The following RRAGC variants were observed in gnomAD, a reference collection of about 807,000 sequenced individuals.
RRAGC encodes the protein Ras related GTP binding C.
A neutral mutation model predicts 37.1 loss-of-function variants in RRAGC; 8 were observed. That is an observed-to-expected ratio of 0.22 (90% CI 0.13 to 0.39). The LOEUF (loss-of-function observed/expected upper bound fraction) is 0.39. RRAGC is among the 10% of genes least tolerant of loss of function. The probability of loss-of-function intolerance (pLI) is 1.00; values close to 1 mark genes in which losing one functional copy is unlikely to be tolerated. For synonymous variants in RRAGC, 190 were observed against 181.1 expected, an observed-to-expected ratio of 1.05 and a Z score of -0.39; for missense variants, 342 against 497.6, an observed-to-expected ratio of 0.69 and a Z score of 2.98.
intron 6 of RRAGC, 39 bp downstream of exon 6, chr1:38,845,900 A>T: frequency 6.5e-7 from 1 of 1,534,176 alleles, no homozygotes; most frequent in South Asian, 1.2e-5. Context: ...GTTATGGCAA[A>T]GAAATTAACA....
intron 1 of RRAGC, 71 bp from the exon 2 acceptor site, chr1:38,857,153 T>C (rs1642177627): frequency 7.8e-7 from 1 of 1,282,928 alleles, no homozygotes; most frequent in South Asian, 1.3e-5. Context: ...CCACCCTGGT[T>C]TAACATTTAA....
At position 38,849,898 on chromosome 1, in the gene RRAGC, AT is replaced by A. The variant is rs1642077585; in HGVS notation, c.899+1716del. 3.3e-5 allele frequency among the ~76,000 whole-genome samples: 5 copies of A among 152,182 alleles called. No individual in the cohort carries two copies. In the South Asian group the frequency reaches 1.0e-3, roughly 32 times the overall value. On this transcript the variant is annotated intron_variant, in intron 5 of 6. Transcript: ENST00000373001. The stretch of plus-strand genomic sequence containing the variant: ...ATATATAATAAACTGACAATGTCTC[AT>A]TTTGATTATGTAAAGAATTAAAACA...
At position 38,839,509 on chromosome 1, in the gene RRAGC, A is replaced by G. The variant is rs1477944414; in HGVS notation, c.*44T>C. The G allele has an allele frequency of 1.2e-6, 2 of 1,609,292 alleles. No individual in the cohort carries two copies. Among genetic ancestry groups the G allele is most frequent in the African/African-American group, 2.7e-5 (2 of 74,878 alleles). On this transcript the variant is annotated 3_prime_UTR_variant, in exon 7 of 7. Transcript: ENST00000373001. ...TGTAGCACGTGGCATCCGACCCTGG[A>G]GTGAAGAGTAAGCTGGCACAGAGCC...
Position 38,859,603 on chromosome 1 carries a change from C to A in RRAGC, c.44G>T (p.Ser15Ile). Residue 15 changes from serine to isoleucine, a missense_variant, in exon 1 of 7, where the codon AGT becomes ATT. Around this residue, in one of 3 missense-constraint regions of RRAGC, gnomAD observed 104 missense variants for 93.4 expected, o/e 1.11. Coordinates refer to ENST00000373001, the MANE Select transcript of RRAGC (RefSeq NM_022157.4). ...TGGAAACGAATCGGCCGCGCCGTAA[C>A]TGCCGGCGAGGGGCGTCTCCTCCGC... Reference protein sequence around the residue: ...YGAEETPLAGSYGAADSFPKD... With the variant: ...YGAEETPLAGIYGAADSFPKD... The A allele has an allele frequency of 1.3e-6, 2 of 1,567,420 alleles. No homozygotes were observed. The highest frequency in any genetic ancestry group is 3.7e-4 in the Middle Eastern group (2 of 5,442).
intron 1 of RRAGC, among the ~76,000 whole-genome samples, chr1:38,858,928 A>T (rs1307833886): frequency 6.6e-6 from 1 of 152,246 alleles, no homozygotes; most frequent in African/African-American, 2.4e-5. Flanking sequence ...AGTCTCCTTC[A>T]CATCAGTAGC....
chr1:38,855,264 G>C (rs1181501029), intron 3 of RRAGC, among the ~76,000 whole-genome samples: 1 of 152,180 alleles, frequency 6.6e-6, no homozygotes, highest in Non-Finnish European at 1.5e-5. Flanking sequence ...AGTCAGTCCA[G>C]ATTTGAAAGT....
chr1:38,843,399 A>T (rs1641987927), intron 6 of RRAGC, among the ~76,000 whole-genome samples: 1 of 152,072 alleles, frequency 6.6e-6, no homozygotes. Flanking sequence ...TGATTTACCC[A>T]AAAATTTGTG....
chr1:38,851,574 C>T, intron 5 of RRAGC, 41 bp downstream of exon 5: 1 of 1,459,346 alleles, frequency 6.9e-7, no homozygotes, highest in Non-Finnish European at 9.0e-7. Context: ...TAATAGTTTT[C>T]CGCCTGTCTG....
At chr1:38,845,918 A>ATTTTTTTTTTTAAAAT (rs1557584744) in intron 6 of RRAGC, 21 bp downstream of exon 6, 4 of 1,579,334 alleles carry the variant, frequency 2.5e-6, no homozygotes, top group Non-Finnish European at 3.4e-6. Flanking sequence ...ACATAAAAAC[A>ATTTTTTTTTTTAAAAT]GCTTTTTAAA....
chr1:38,858,330 T>C (rs552636110), intron 1 of RRAGC, among the ~76,000 whole-genome samples: 34 of 152,238 alleles, frequency 2.2e-4, no homozygotes, highest in African/African-American at 7.5e-4. Context: ...CTGATACTAG[T>C]TTTATTACCA....
intron 5 of RRAGC, among the ~76,000 whole-genome samples, chr1:38,849,926 G>C (rs1448249793): frequency 6.6e-6 from 1 of 152,144 alleles, no homozygotes; most frequent in Non-Finnish European, 1.5e-5. Context: ...ATTAAAACAA[G>C]CCAGGCATGG....
At chr1:38,845,906 T>A (rs1642021854) in intron 6 of RRAGC, 33 bp downstream of exon 6, 1 of 1,558,326 alleles carries the variant, frequency 6.4e-7, no homozygotes, top group East Asian at 2.3e-5. Context: ...GCAAAGAAAT[T>A]AACATAAAAA....
intron 4 of RRAGC, 61 bp from the exon 5 acceptor site, chr1:38,851,818 C>T (rs936983422): frequency 1.9e-5 from 27 of 1,459,144 alleles, no homozygotes; most frequent in African/African-American, 7.1e-5. Context: ...TACAACTTAT[C>T]GAAGATCTAG....
chr1:38,838,462 T>G lies in RRAGC; in HGVS notation c.*1091A>C, dbSNP rs1282470496. 1.3e-5 allele frequency: 2 copies of G among 152,166 alleles called. No individual in the cohort carries two copies. The highest frequency in any genetic ancestry group is 4.8e-5 in the African/African-American group (2 of 41,430). 9.4% of individuals were successfully genotyped at this position (152,166 alleles called of 1,614,324 possible). A position where few individuals can be genotyped will look rare whatever the true frequency, so the allele number is the denominator to read the frequency against. ...TACTGGGCATGTGGAATAGAAATAATGTGTTAGGTTTAAATCAATGGAAAG... is the reference window on the plus strand; with the variant it reads ...TACTGGGCATGTGGAATAGAAATAAGGTGTTAGGTTTAAATCAATGGAAAG... On this transcript the variant is annotated 3_prime_UTR_variant, in exon 7 of 7. Coordinates refer to ENST00000373001, the MANE Select transcript of RRAGC (RefSeq NM_022157.4).
At chr1:38,851,888 T>C (rs1349205549) in intron 4 of RRAGC, 131 bp from the exon 5 acceptor site, 24 of 694,804 alleles carry the variant, frequency 3.5e-5, no homozygotes, top group South Asian at 2.0e-4. Context: ...AAAAAACAAA[T>C]AGCACTTGCT....
chr1:38,855,378 C>G (rs193171722), intron 3 of RRAGC, among the ~76,000 whole-genome samples: 1 of 152,062 alleles, frequency 6.6e-6, no homozygotes. Context: ...TGATGCAAGG[C>G]GGGGAAAAGT....
chr1:38,859,609 G>T lies in RRAGC; in HGVS notation c.38C>A (p.Ala13Asp), dbSNP rs1220506672. ...CGAATCGGCCGCGCCGTAACTGCCG[G>T]CGAGGGGCGTCTCCTCCGCCCCGTA... ...LQYGAEETPL[A>D]GSYGAADSFP... The change falls in exon 1 of 7, where the codon GCC (alanine) becomes GAC (aspartate). Residue 13 changes from alanine (A) to aspartate (D), a missense_variant. This residue lies in a region of RRAGC where 104 missense variants were observed against 93.4 expected (regional missense o/e 1.11). Transcript: ENST00000373001. The T allele has an allele frequency of 1.3e-6, 2 of 1,564,634 alleles. No homozygotes were observed. The highest frequency in any genetic ancestry group is 3.8e-5 in the Admixed American group (2 of 52,180).
At position 38,851,649 on chromosome 1, in the gene RRAGC, T is replaced by C; in HGVS notation, c.865A>G (p.Ile289Val). Residue 289 changes from isoleucine to valine, a missense_variant, in exon 5 of 7, where the codon ATC (isoleucine) becomes GTC (valine). Ile to Val is a conservative substitution (Grantham distance 29). This residue lies in a region of RRAGC where 134 missense variants were observed against 277.2 expected (regional missense o/e 0.48). Coordinates refer to ENST00000373001, the MANE Select transcript of RRAGC (RefSeq NM_022157.4). ...CAAGACACATCAATTACAACATCGA[T>C]CATGTCACAGCAAAGTTCATAAGAT... ...MQSYELCCDM[I>V]DVVIDVSCIY... is the part of the protein sequence containing the mutation. 6.4e-7 allele frequency: 1 copy of C among 1,574,330 alleles called. No individual in the cohort carries two copies. Among genetic ancestry groups the C allele is most frequent in the Non-Finnish European group, 8.6e-7 (1 of 1,166,500 alleles).
intron 6 of RRAGC, among the ~76,000 whole-genome samples, chr1:38,844,507 A>T (rs1332021237): frequency 6.6e-6 from 1 of 152,072 alleles, no homozygotes; most frequent in Non-Finnish European, 1.5e-5. Flanking sequence ...AACACACAAA[A>T]TATCCCAAGA....
Sources: allele counts gnomAD v4.1 joint callset (sites outside exome capture counted in the v4.1 genomes callset), GRCh38; gene constraint gnomAD v4.1.1; regional missense constraint gnomAD v4.1.1; transcripts MANE v1.5; gene names NCBI Gene and HGNC (gene_info 2026-07-23, HGNC 2026-07-21).